PIWIL1: variants seen among roughly 807,000 people sequenced by gnomAD.
PIWIL1 encodes piwi like RNA-mediated gene silencing 1, also known as piwi-like protein 1.
PIWIL1 carries 73 observed loss-of-function variants against 114.4 expected under a neutral mutation model. The observed-to-expected ratio is 0.64, with a 90% CI of 0.53 to 0.78. PIWIL1 has a LOEUF of 0.78. Ranked by LOEUF, PIWIL1 falls within the 30% of genes least tolerant of loss-of-function variation. PIWIL1 has a pLI of 0.00. For missense variants in PIWIL1, 723 were observed against 1,063.1 expected (o/e 0.68, Z 4.45); for synonymous variants, 375 against 369.0 (o/e 1.02, Z -0.19).
chr12:130,415,660 C>A, the PIWIL1 span, among the ~76,000 whole-genome samples: 103 of 76,694 alleles, frequency 1.3e-3, no homozygotes, highest in South Asian at 7.8e-3. Flanking sequence ...AAGTCAAATT[C>A]TCTCTCTTCA....
chr12:130,399,028 C>A, the PIWIL1 span: 1 of 593,162 alleles, frequency 1.7e-6, no homozygotes, highest in East Asian at 3.3e-5. Context: ...TTTTTAACCC[C>A]ACAATGAAGC....
the PIWIL1 span, among the ~76,000 whole-genome samples, chr12:130,381,164 A>G: frequency 3.3e-5 from 5 of 152,166 alleles, no homozygotes; most frequent in African/African-American, 1.2e-4. Context: ...TCTACCGTCA[A>G]GTTTGAGAGA....
the PIWIL1 span, among the ~76,000 whole-genome samples, chr12:130,392,962 G>A: frequency 7.5e-3 from 973 of 130,148 alleles, 4 homozygotes; most frequent in East Asian, 0.02. Context: ...TGATGACCCA[G>A]TCACCGTCAT....
intron 19 of PIWIL1, among the ~76,000 whole-genome samples, 181 bp from the exon 20 acceptor site, chr12:130,370,995 G>T (rs1283977203): frequency 6.6e-6 from 1 of 152,194 alleles, no homozygotes; most frequent in Admixed American, 6.5e-5. Flanking sequence ...CACATAAGCA[G>T]TCCCAAATGG....
the PIWIL1 span, among the ~76,000 whole-genome samples, chr12:130,402,556 T>TA: frequency 1.7e-3 from 265 of 152,236 alleles, 1 homozygote; most frequent in African/African-American, 5.9e-3. Flanking sequence ...TAACTTTCTC[T>TA]AAAAAAATTT....
chr12:130,407,888 G>T, the PIWIL1 span: 1 of 1,481,142 alleles, frequency 6.8e-7, no homozygotes, highest in Non-Finnish European at 9.4e-7. Flanking sequence ...ACTTAGCGGT[G>T]TTCCCCTCCT....
chr12:130,367,365 A>AT (rs2136192646), intron 19 of PIWIL1, 107 bp downstream of exon 19: 2 of 1,087,320 alleles, frequency 1.8e-6, no homozygotes, highest in South Asian at 2.4e-5. Flanking sequence ...TTGTTCTTAT[A>AT]TTTTTTATAA....
the PIWIL1 span, chr12:130,414,353 G>A: frequency 6.6e-7 from 1 of 1,516,194 alleles, no homozygotes; most frequent in Non-Finnish European, 8.9e-7. Flanking sequence ...GAGCCTAACT[G>A]AGGAGCGTGC....
downstream of PIWIL1, among the ~76,000 whole-genome samples, chr12:130,373,166 C>G (rs2073841281): frequency 6.6e-6 from 1 of 152,194 alleles, no homozygotes; most frequent in Non-Finnish European, 1.5e-5. Flanking sequence ...AGACAAGAAA[C>G]ACAGAACAGT....
chr12:130,408,128 G>C, the PIWIL1 span, among the ~76,000 whole-genome samples: 1 of 152,178 alleles, frequency 6.6e-6, no homozygotes, highest in Non-Finnish European at 1.5e-5. Flanking sequence ...CGGGGCTCTC[G>C]AACAGCAAAT....
chr12:130,342,470 G>C, intron 1 of PIWIL1, 110 bp from the exon 2 acceptor site: 1 of 675,356 alleles, frequency 1.5e-6, no homozygotes, highest in Non-Finnish European at 2.7e-6. Flanking sequence ...CATAATAATT[G>C]CCTGGGGAGC....
intron 3 of PIWIL1, among the ~76,000 whole-genome samples, chr12:130,344,726 C>G (rs1384383800): frequency 6.6e-6 from 1 of 152,148 alleles, no homozygotes; most frequent in Non-Finnish European, 1.5e-5. Flanking sequence ...TTTGAGCCCT[C>G]CCTGCCAGAT....
In PIWIL1 at chr12:130,348,093, C is replaced by A. The variant is rs376939035; in HGVS notation, c.654-10C>A. 5 of 1,562,480 alleles carry A rather than the reference C, an allele frequency of 3.2e-6. No individual in the cohort carries two copies. The highest frequency in any genetic ancestry group is 1.4e-5 in the African/African-American group (1 of 73,852). ...TATCAATATTCACTCTCTGACCTTT[C>A]CATTTCTAGGCTTTTGAAAATCATG... On this transcript the variant is annotated splice_polypyrimidine_tract_variant and intron_variant, in intron 6 of 20. Transcript: ENST00000245255.
At position 130,349,840 on chromosome 12, in the gene PIWIL1, C is replaced by T. The variant is rs774737478; in HGVS notation, c.933-16C>T. 3 of 1,406,288 alleles carry T rather than the reference C, an allele frequency of 2.1e-6. No homozygotes were observed. In the East Asian group the frequency reaches 6.8e-5, roughly 32 times the overall value. The allele number at this position is 1,406,288 out of a possible 1,614,324, so 87.1% of individuals were successfully genotyped here. A position where few individuals can be genotyped will look rare whatever the true frequency, so the allele number is the denominator to read the frequency against. ...ACATTTCCATCAAATGCAGTCAAAT[C>T]TCAACTGATCCCTAGGTATAACAAT... On this transcript the variant is annotated splice_polypyrimidine_tract_variant and intron_variant, in intron 8 of 20. Coordinates refer to ENST00000245255, the MANE Select transcript of PIWIL1 (RefSeq NM_004764.5).
chr12:130,377,534 C>G (rs900865273), downstream of PIWIL1, among the ~76,000 whole-genome samples: 6 of 152,232 alleles, frequency 3.9e-5, no homozygotes, highest in East Asian at 9.6e-4. Flanking sequence ...GGCGAAAAAG[C>G]AACCCGGCTT....
chr12:130,389,049 A>G, the PIWIL1 span, among the ~76,000 whole-genome samples: 12 of 152,144 alleles, frequency 7.9e-5, no homozygotes, highest in African/African-American at 2.4e-5. Flanking sequence ...TAGTTTTTCT[A>G]TATCTATTGA....
At chr12:130,418,074 G>C in the PIWIL1 span, among the ~76,000 whole-genome samples, 23 of 152,290 alleles carry the variant, frequency 1.5e-4, no homozygotes, top group East Asian at 4.2e-3. Flanking sequence ...CAGGACAGGT[G>C]GTGGAGAAAG....
Position 130,367,219 on chromosome 12 carries a change from C to T in PIWIL1, c.2282C>T (p.Pro761Leu). The change falls in exon 19 of 21, where the codon CCT (proline) becomes CTT (leucine). Residue 761 changes from proline to leucine, a missense_variant. By Grantham distance (98) the Pro-to-Leu change is moderately conservative (BLOSUM62 -3). Transcript: ENST00000245255. ...QSGGRLQNPL[P>L]GTVIDVEVTR... ...GGAGGAAGACTTCAGAATCCACTTCCTGGAACAGTTATTGATGTAGAGGTT... is the reference window on the plus strand; with the variant it reads ...GGAGGAAGACTTCAGAATCCACTTCTTGGAACAGTTATTGATGTAGAGGTT... 6.2e-7 allele frequency: 1 copy of T among 1,614,128 alleles called. No homozygotes were observed. Among genetic ancestry groups the T allele is most frequent in the Non-Finnish European group, 8.5e-7 (1 of 1,179,996 alleles).
In PIWIL1 at chr12:130,371,257, C is replaced by T. The variant is rs150359032; in HGVS notation, c.2403C>T (p.Ser801=). 3.3e-5 allele frequency: 53 copies of T among 1,614,112 alleles called. No homozygotes were observed. Among genetic ancestry groups the T allele is most frequent in the African/African-American group, 3.1e-4 (23 of 75,052 alleles). ...PTHYNVIYDN[S]GLKPDHIQRL... Reference sequence around the variant, plus strand: ...ATTACAATGTCATCTATGACAACAGCGGCCTGAAGCCAGACCACATACAGC... The same window carrying T: ...ATTACAATGTCATCTATGACAACAGTGGCCTGAAGCCAGACCACATACAGC... The change falls in exon 20 of 21, where the codon AGC becomes AGT. Residue 801 remains serine, a synonymous_variant. Transcript: ENST00000245255.
Sources: gnomAD v4.1 joint callset for allele counts (sites outside exome capture counted in the v4.1 genomes callset) on GRCh38, gnomAD v4.1.1 for gene constraint, MANE v1.5 for transcripts, NCBI Gene and HGNC (gene_info 2026-07-23, HGNC 2026-07-21) for gene names.